CHRDL2: variants seen among roughly 807,000 people sequenced by gnomAD.
CHRDL2 encodes chordin like 2.
CHRDL2 carries 41 observed loss-of-function variants against 54.3 expected under a neutral mutation model. That is an observed-to-expected ratio of 0.76 (90% CI 0.59 to 0.98). CHRDL2 has a LOEUF of 0.98. Ranked by LOEUF, CHRDL2 falls within the 50% of genes least tolerant of loss-of-function variation. The pLI, the probability that CHRDL2 is intolerant of heterozygous loss-of-function variation, is 0.00. For missense variants in CHRDL2, 518 were observed against 562.4 expected, an observed-to-expected ratio of 0.92 and a Z score of 0.80; for synonymous variants, 220 against 224.3, an observed-to-expected ratio of 0.98 and a Z score of 0.17.
intron 3 of CHRDL2, among the ~76,000 whole-genome samples, chr11:74,712,580 G>A (rs2135259388): frequency 6.6e-6 from 1 of 152,288 alleles, no homozygotes; most frequent in South Asian, 2.1e-4. Context: ...CCACGAGTCA[G>A]ATCCCTACTG....
rs200370723 is a variant in CHRDL2, at chr11:74,702,985, T to C, written c.947-18A>G. On this transcript the variant is annotated intron_variant, in intron 8 of 10. Coordinates refer to ENST00000376332, the MANE Select transcript of CHRDL2 (RefSeq NM_001278473.3). ...TTTGTCCTCTGGAGAGACAAGAAGC[T>C]CATGAAGTGTTCAATAAACGTTGGC... is the stretch of plus-strand genomic sequence containing the variant. 121 of 1,586,298 alleles carry C rather than the reference T, an allele frequency of 7.6e-5. No homozygotes were observed. The African/African-American group carries it at 1.5e-3, about 20-fold the overall frequency.
intron 2 of CHRDL2, among the ~76,000 whole-genome samples, chr11:74,716,546 A>AG (rs1400630336): frequency 1.4e-5 from 2 of 139,084 alleles, no homozygotes; most frequent in East Asian, 4.5e-4. Context: ...TCTCCAAAAA[A>AG]AAAAAAAAAA....
chr11:74,726,460 ACAC>A (rs2135279412), intron 1 of CHRDL2, among the ~76,000 whole-genome samples: 1 of 152,304 alleles, frequency 6.6e-6, no homozygotes, highest in East Asian at 1.9e-4. Context: ...TTCTGGCGAG[ACAC>A]AAAAAAGAAC....
At chr11:74,721,276 C>A (rs938594506) in intron 1 of CHRDL2, among the ~76,000 whole-genome samples, 9 of 152,226 alleles carry the variant, frequency 5.9e-5, no homozygotes, top group African/African-American at 2.2e-4. Context: ...ACTGCCACCA[C>A]CTTAGGTCTC....
chr11:74,722,357 A>G (rs1591370064), intron 1 of CHRDL2, among the ~76,000 whole-genome samples: 1 of 152,268 alleles, frequency 6.6e-6, no homozygotes, highest in East Asian at 1.9e-4. Context: ...GCTGGGGTTC[A>G]AATTGTGGAT....
intron 1 of CHRDL2, among the ~76,000 whole-genome samples, chr11:74,721,051 C>T (rs1251106952): frequency 2.6e-5 from 4 of 152,190 alleles, no homozygotes; most frequent in African/African-American, 4.8e-5. Context: ...AGTGGAGGAG[C>T]GATTAAAGTT....
rs1346543066 is a variant in CHRDL2, at chr11:74,718,733, C to A, written c.182G>T (p.Cys61Phe). The A allele has an allele frequency of 6.2e-7, 1 of 1,612,278 alleles. No individual in the cohort carries two copies. Among genetic ancestry groups the A allele is most frequent in the Non-Finnish European group, 8.5e-7 (1 of 1,178,824 alleles). The change falls in exon 2 of 11, where the codon TGT becomes TTT. Residue 61 changes from cysteine (C) to phenylalanine (F), a missense_variant. Transcript: ENST00000376332. ...AGAGGAACCTACCTCTGAGCAGGTACAGCGCAGGCAGTACATCAGGCCTTG... is the reference window on the plus strand; with the variant it reads ...AGAGGAACCTACCTCTGAGCAGGTAAAGCGCAGGCAGTACATCAGGCCTTG... Reference protein sequence around the residue: ...EPQGLMYCLRCTCSEGAHVSC... With the variant: ...EPQGLMYCLRFTCSEGAHVSC...
chr11:74,696,642 G>A (rs2033603631), intron 10 of CHRDL2, 57 bp from the exon 11 acceptor site: 1 of 1,294,500 alleles, frequency 7.7e-7, no homozygotes, highest in Non-Finnish European at 1.1e-6. Context: ...GTGCACAACA[G>A]AGGCAGCAGC....
In CHRDL2 at chr11:74,717,787, C is replaced by T. The variant is rs544435797; in HGVS notation, c.195+933G>A. Among the ~76,000 whole-genome samples, 5 of 152,244 alleles carry T rather than the reference C, an allele frequency of 3.3e-5. No individual in the cohort carries two copies. In the South Asian group the frequency reaches 8.3e-4, roughly 25 times the overall value. ...AAAGAGTGGGGCTGGGAGGCTGGCT[C>T]GGGCTGGGAGCTAGCTACCCCTCCC... On this transcript the variant is annotated intron_variant, in intron 2 of 10. Transcript: ENST00000376332.
At chr11:74,715,221 C>A (rs563805208) in intron 2 of CHRDL2, among the ~76,000 whole-genome samples, 32 of 152,314 alleles carry the variant, frequency 2.1e-4, no homozygotes, top group African/African-American at 7.7e-4. Context: ...GGTGCCAGGC[C>A]TTCTTCTGAG....
chr11:74,730,847 G>A lies in CHRDL2; in HGVS notation c.42C>T (p.Leu14=), dbSNP rs918882533. 1.9e-6 allele frequency: 3 copies of A among 1,612,946 alleles called. No individual in the cohort carries two copies. The highest frequency in any genetic ancestry group is 2.5e-6 in the Non-Finnish European group (3 of 1,179,676). ...AGTCCAGGGGGAACCAGAGCAGCGC[G>A]AGTCCCAGCAAGGAGGAGAGGACCC... is the stretch of plus-strand genomic sequence containing the variant. ...EVRVLSSLLG[L]ALLWFPLDSH... Residue 14 remains leucine (L), a synonymous_variant, in exon 1 of 11, where the codon CTC becomes CTT. Transcript: ENST00000376332.
intron 1 of CHRDL2, chr11:74,720,285 G>A (rs2034473273): frequency 6.5e-6 from 1 of 153,324 alleles, no homozygotes; most frequent in South Asian, 2.1e-4. Flanking sequence ...ACTGCAAAAT[G>A]GACATTGTCA....
intron 9 of CHRDL2, 143 bp downstream of exon 9, chr11:74,702,651 C>A: frequency 2.7e-6 from 2 of 737,856 alleles, no homozygotes; most frequent in Non-Finnish European, 2.3e-6. Flanking sequence ...CTTCCTGCAT[C>A]TTGGAATCAG....
In CHRDL2 at chr11:74,703,485, C is replaced by T. The variant is rs573139000; in HGVS notation, c.766G>A (p.Gly256Arg). The T allele has an allele frequency of 8.1e-6, 13 of 1,601,162 alleles. No homozygotes were observed. The highest frequency in any genetic ancestry group is 2.2e-5 in the South Asian group (2 of 89,500). ...ACCTCCCCGTGGGAGTACGTCTTCC[C>T]GCCATGCACACAGGCTGAATAAGGA... ...EKHKKACVHG[G>R]KTYSHGEVWH... The change falls in exon 8 of 11, where the codon GGG (glycine) becomes AGG (arginine). Residue 256 changes from glycine to arginine, a missense_variant. Coordinates refer to ENST00000376332, the MANE Select transcript of CHRDL2 (RefSeq NM_001278473.3).
intron 1 of CHRDL2, among the ~76,000 whole-genome samples, chr11:74,721,667 G>A (rs1202369445): frequency 6.6e-6 from 1 of 152,406 alleles, no homozygotes; most frequent in East Asian, 1.9e-4. Context: ...AGTTCCTGCA[G>A]TGCTGGCACT....
At chr11:74,718,212 G>C (rs2034411634) in intron 2 of CHRDL2, among the ~76,000 whole-genome samples, 1 of 152,182 alleles carries the variant, frequency 6.6e-6, no homozygotes, top group African/African-American at 2.4e-5. Context: ...GGAGAAAGGG[G>C]CAGAGAAACT....
intron 2 of CHRDL2, among the ~76,000 whole-genome samples, chr11:74,717,356 C>A (rs1260233258): frequency 6.6e-6 from 1 of 152,204 alleles, no homozygotes; most frequent in Non-Finnish European, 1.5e-5. Flanking sequence ...TGAATTAACT[C>A]CAATGGCTCA....
At chr11:74,701,570 C>T in intron 9 of CHRDL2, 2 of 716,722 alleles carry the variant, frequency 2.8e-6, no homozygotes, top group Non-Finnish European at 5.2e-6. Flanking sequence ...GACATGGGCT[C>T]TAGCTCCCGT....
At chr11:74,717,665 C>T (rs1311575637) in intron 2 of CHRDL2, among the ~76,000 whole-genome samples, 1 of 152,188 alleles carries the variant, frequency 6.6e-6, no homozygotes, top group Non-Finnish European at 1.5e-5. Flanking sequence ...CACAGGATCT[C>T]CTCCAGAGCT....
Sources: allele counts gnomAD v4.1 joint callset (sites outside exome capture counted in the v4.1 genomes callset), GRCh38; gene constraint gnomAD v4.1.1; transcripts MANE v1.5; gene names NCBI Gene and HGNC (gene_info 2026-07-23, HGNC 2026-07-21).